TMEM131: variants seen among roughly 807,000 people sequenced by gnomAD.
TMEM131 encodes the protein transmembrane protein 131, also known as 2610524E03Rik.
A neutral mutation model predicts 211.6 loss-of-function variants in TMEM131; 66 were observed. The observed-to-expected ratio is 0.31, with a 90% CI of 0.26 to 0.38. The LOEUF is 0.38. Among genes scored for constraint, TMEM131 ranks in the 10% least tolerant of loss-of-function variants. The pLI, the probability that TMEM131 is intolerant of heterozygous loss-of-function variation, is 1.00. For synonymous variants in TMEM131, 844 were observed against 841.3 expected (o/e 1.00, Z -0.06); for missense variants, 2,036 against 2,299.3 (o/e 0.89, Z 2.34).
chr2:97,855,481 C>A (rs369132036), intron 5 of TMEM131, among the ~76,000 whole-genome samples: 2 of 152,310 alleles, frequency 1.3e-5, no homozygotes, highest in South Asian at 2.1e-4. Flanking sequence ...AGGCAGATTG[C>A]TTGAGGCTAG....
intron 11 of TMEM131, among the ~76,000 whole-genome samples, chr2:97,822,821 G>A (rs1249749173): frequency 1.3e-5 from 2 of 152,024 alleles, no homozygotes; most frequent in African/African-American, 2.4e-5. Context: ...CTTTCAGATG[G>A]GAAACACTCA....
rs1408641448 is a variant in TMEM131 at position 97,756,594 on chromosome 2, C to CTTACT, written c.*500_*504dup. ...TAATCTGCTTTTAAACCAAGACAGC[C>CTTACT]TTACTTTAAAAAAATACTCTATTTT... On this transcript the variant is annotated 3_prime_UTR_variant, in exon 41 of 41. Coordinates refer to ENST00000186436, the MANE Select transcript of TMEM131 (RefSeq NM_015348.2). 3 of 152,268 alleles carry CTTACT rather than the reference C, an allele frequency of 2.0e-5. No individual in the cohort carries two copies. Among genetic ancestry groups the CTTACT allele is most frequent in the South Asian group, 2.1e-4 (1 of 4,828 alleles). The allele number at this position is 152,268 out of a possible 1,614,324, so 9.4% of individuals were successfully genotyped here.
chr2:97,995,732 G>A lies in TMEM131; in HGVS notation c.-70C>T. 1 of 1,116,174 alleles carries A rather than the reference G, an allele frequency of 9.0e-7. No individual in the cohort carries two copies. The highest frequency in any genetic ancestry group is 4.4e-5 in the South Asian group (1 of 22,680). The allele number at this position is 1,116,174 out of a possible 1,614,324, so 69.1% of individuals were successfully genotyped here. On this transcript the variant is annotated 5_prime_UTR_variant, in exon 1 of 41. Coordinates refer to ENST00000186436, the MANE Select transcript of TMEM131 (RefSeq NM_015348.2). ...TTCTCGGCGAGGCGGCGGCGGCGCG[G>A]AAGCCGTGGTCCGGGCTCTGGCCGC... is the stretch of plus-strand genomic sequence containing the variant.
chr2:97,779,473 C>G (rs1679894065), intron 31 of TMEM131, among the ~76,000 whole-genome samples: 1 of 152,222 alleles, frequency 6.6e-6, no homozygotes, highest in Non-Finnish European at 1.5e-5. Context: ...AGGGTCTTGT[C>G]TCTTCCTTAG....
At chr2:97,893,365 T>C (rs1378131481) in intron 3 of TMEM131, among the ~76,000 whole-genome samples, 1 of 152,194 alleles carries the variant, frequency 6.6e-6, no homozygotes, top group Non-Finnish European at 1.5e-5. Context: ...TGTGCATGTG[T>C]CTTTATAGCA....
intron 3 of TMEM131, among the ~76,000 whole-genome samples, chr2:97,894,163 A>G (rs1675502546): frequency 6.6e-6 from 1 of 152,128 alleles, no homozygotes; most frequent in African/African-American, 2.4e-5. Flanking sequence ...TGTTTTTGTC[A>G]GGTTTGTCAA....
chr2:97,758,905 G>C lies in TMEM131; in HGVS notation c.5355C>G (p.Thr1785=). The C allele has an allele frequency of 6.2e-7, 1 of 1,611,540 alleles. No homozygotes were observed. Among genetic ancestry groups the C allele is most frequent in the Non-Finnish European group, 8.5e-7 (1 of 1,178,708 alleles). The change falls in exon 40 of 41, where the codon ACC becomes ACG. Residue 1785 remains threonine (T), a synonymous_variant. Transcript: ENST00000186436. ...CCCAAGTACTCACTGTGGCTGTGTG[G>C]GTCGGGGAGCCGGAACTGGCTGGCC... ...PSWPASSGSP[T]HTATSVLGNT... is the part of the protein sequence containing the mutation.
chr2:97,814,060 A>T lies in TMEM131; in HGVS notation c.1528T>A (p.Ser510Thr), dbSNP rs1387707898. The T allele has an allele frequency of 1.9e-6, 3 of 1,602,842 alleles. No individual in the cohort carries two copies. Among genetic ancestry groups the T allele is most frequent in the Non-Finnish European group, 2.6e-6 (3 of 1,173,716 alleles). Residue 510 changes from serine (S) to threonine (T), a missense_variant, in exon 15 of 41, where the codon TCA becomes ACA. Coordinates refer to ENST00000186436, the MANE Select transcript of TMEM131 (RefSeq NM_015348.2). ...ATGTTGTTATCAATGTGCATGGATG[A>T]TGTGGAAGGCATAAAAAGCAGGGTA... ...IFTLLFMPST[S>T]SMHIDNNILL...
chr2:97,817,003 G>A (rs902782804), intron 12 of TMEM131, among the ~76,000 whole-genome samples: 4 of 152,122 alleles, frequency 2.6e-5, no homozygotes, highest in African/African-American at 9.7e-5. Flanking sequence ...ATTTTCACAT[G>A]ATATTAAAAA....
At chr2:97,877,375 C>A (rs1337255363) in intron 4 of TMEM131, among the ~76,000 whole-genome samples, 1 of 152,008 alleles carries the variant, frequency 6.6e-6, no homozygotes, top group Non-Finnish European at 1.5e-5. Context: ...CATATGGAAC[C>A]AAAAAAGAAC....
At chr2:97,975,808 CA>C (rs1341709005) in intron 1 of TMEM131, among the ~76,000 whole-genome samples, 1 of 54,814 alleles carries the variant, frequency 1.8e-5, no homozygotes, top group Admixed American at 1.5e-4. Context: ...GAAGGTATTA[CA>C]AGAAAAAAAA....
intron 39 of TMEM131, 192 bp from the exon 40 acceptor site, chr2:97,759,245 G>C: frequency 1.6e-6 from 1 of 642,720 alleles, no homozygotes. Flanking sequence ...TAGTGCACGA[G>C]CTGATATGCC....
At chr2:97,905,169 A>T (rs374323500) in intron 3 of TMEM131, among the ~76,000 whole-genome samples, 1 of 151,966 alleles carries the variant, frequency 6.6e-6, no homozygotes, top group East Asian at 1.9e-4. Flanking sequence ...AAATTTTCTC[A>T]GTTTTGTCTG....
Position 97,827,431 on chromosome 2 carries a change from C to T in TMEM131, c.1074+5934G>A, listed in dbSNP as rs1007740071. ...AGGGAAAAGGGGAGCAAAGGGAAAA[C>T]AGGCCGAAGTGGCTAACCAAGAAAC... On this transcript the variant is annotated intron_variant, in intron 11 of 40. Transcript: ENST00000186436. The T allele has an allele frequency of 4.7e-6, 5 of 1,068,012 alleles. No individual in the cohort carries two copies. In the African/African-American group the frequency reaches 6.2e-5, roughly 13 times the overall value. The allele number at this position is 1,068,012 out of a possible 1,614,324, so 66.2% of individuals were successfully genotyped here.
chr2:97,833,011 C>T (rs1180640424), intron 11 of TMEM131, among the ~76,000 whole-genome samples: 1 of 152,278 alleles, frequency 6.6e-6, no homozygotes, highest in South Asian at 2.1e-4. Context: ...CCTGCCCATA[C>T]CTTAACTCCA....
chr2:97,831,868 T>C (rs1263589692), intron 11 of TMEM131, among the ~76,000 whole-genome samples: 1 of 151,528 alleles, frequency 6.6e-6, no homozygotes, highest in Non-Finnish European at 1.5e-5. Flanking sequence ...GGTTTCGCCA[T>C]GTTGGCCAGT....
chr2:97,758,000 T>C (rs553497717), intron 40 of TMEM131, among the ~76,000 whole-genome samples: 23 of 151,974 alleles, frequency 1.5e-4, no homozygotes, highest in Admixed American at 3.3e-4. Flanking sequence ...GGTGTGGTGG[T>C]GGGCGCCTCT....
chr2:97,830,517 G>A (rs1316875364), intron 11 of TMEM131, among the ~76,000 whole-genome samples: 2 of 152,124 alleles, frequency 1.3e-5, no homozygotes, highest in Non-Finnish European at 2.9e-5. Context: ...AAAAGCACTT[G>A]AGCAAATAAG....
chr2:97,972,216 C>T (rs1002344681), intron 1 of TMEM131, among the ~76,000 whole-genome samples: 1 of 152,038 alleles, frequency 6.6e-6, no homozygotes, highest in African/African-American at 2.4e-5. Flanking sequence ...TTTCTGCCAA[C>T]TGGAAAAATC....
Sources: gnomAD v4.1 joint callset for allele counts (sites outside exome capture counted in the v4.1 genomes callset) on GRCh38, gnomAD v4.1.1 for gene constraint, MANE v1.5 for transcripts, NCBI Gene and HGNC (gene_info 2026-07-23, HGNC 2026-07-21) for gene names.